The following ACACA variants were observed in gnomAD, a reference collection of about 807,000 sequenced individuals.
The protein encoded by ACACA is acetyl-CoA carboxylase 1.
In ACACA, 103 loss-of-function variants were observed where a neutral mutation model predicts 296.1. The ratio of observed to expected loss-of-function variants is 0.35; its 90% CI spans 0.30 to 0.41. The LOEUF is 0.41. Among genes scored for constraint, ACACA ranks in the 10% least tolerant of loss-of-function variants. The pLI is 1.00. For missense variants in ACACA, 1,554 were observed against 2,989.7 expected, an observed-to-expected ratio of 0.52 and a Z score of 11.20; for synonymous variants, 953 against 1,038.6, an observed-to-expected ratio of 0.92 and a Z score of 1.58.
At chr17:37,088,005 A>G (rs1218869975) in intron 55 of ACACA, among the ~76,000 whole-genome samples, 4 of 152,220 alleles carry the variant, frequency 2.6e-5, no homozygotes, top group Non-Finnish European at 5.9e-5. Flanking sequence ...ATTATACGGT[A>G]GAGAAATGGA....
intron 33 of ACACA, among the ~76,000 whole-genome samples, chr17:37,203,159 A>C (rs1050514844): frequency 3.3e-5 from 5 of 151,850 alleles, no homozygotes; most frequent in African/African-American, 1.2e-4. Context: ...ACGGGGTTTC[A>C]CCATATTGGC....
chr17:37,137,154 A>C (rs1446143323), intron 45 of ACACA, among the ~76,000 whole-genome samples: 1 of 152,102 alleles, frequency 6.6e-6, no homozygotes, highest in Non-Finnish European at 1.5e-5. Context: ...GAGTTTGAGA[A>C]TTCTTTTGGA....
Position 37,248,098 on chromosome 17 carries a change from A to G in ACACA, c.2222T>C (p.Val741Ala). ...ACCGTCACTCAGCCGATGTACATCT[A>G]CTTCTACACATGAGCCATTCATGAT... ...VVIMNGSCVEVDVHRLSDGGL... is the reference protein window; with the variant it reads ...VVIMNGSCVEADVHRLSDGGL... Residue 741 changes from valine (V) to alanine (A), a missense_variant, in exon 18 of 56, where the codon GTA becomes GCA. Around this residue, in one of 16 missense-constraint regions of ACACA, gnomAD observed 316 missense variants for 540.9 expected, o/e 0.58. Coordinates refer to ENST00000616317, the MANE Select transcript of ACACA (RefSeq NM_198834.3). 2 of 1,614,174 alleles carry G rather than the reference A, an allele frequency of 1.2e-6. No individual in the cohort carries two copies. Among genetic ancestry groups the G allele is most frequent in the Non-Finnish European group, 8.5e-7 (1 of 1,180,032 alleles).
At chr17:37,325,667 C>T (rs1272856323) in intron 3 of ACACA, among the ~76,000 whole-genome samples, 2 of 149,828 alleles carry the variant, frequency 1.3e-5, no homozygotes, top group Admixed American at 1.3e-4. Context: ...TCTGCACCCC[C>T]GGATTCAAGC....
chr17:37,246,525 T>C (rs1210557534), intron 19 of ACACA, among the ~76,000 whole-genome samples: 1 of 152,174 alleles, frequency 6.6e-6, no homozygotes, highest in Non-Finnish European at 1.5e-5. Flanking sequence ...CTTGAATTCC[T>C]GGGCTCAAGG....
intron 3 of ACACA, among the ~76,000 whole-genome samples, chr17:37,292,944 G>T (rs1421003429): frequency 6.6e-6 from 1 of 152,186 alleles, no homozygotes; most frequent in Non-Finnish European, 1.5e-5. Flanking sequence ...AGGAAACAAA[G>T]TGTGAAGCAA....
chr17:37,192,879 T>G (rs1567792626), intron 36 of ACACA, among the ~76,000 whole-genome samples: 1 of 152,246 alleles, frequency 6.6e-6, no homozygotes, highest in South Asian at 2.1e-4. Flanking sequence ...ATAACTTTAC[T>G]GTATTTACTG....
intron 2 of ACACA, among the ~76,000 whole-genome samples, chr17:37,335,462 C>A (rs892600004): frequency 1.3e-5 from 2 of 152,090 alleles, no homozygotes; most frequent in African/African-American, 4.8e-5. Context: ...GTCTGCCTAC[C>A]CTCAGGAATA....
At chr17:37,391,657 A>C in intron 1 of ACACA, 1 of 1,613,854 alleles carries the variant, frequency 6.2e-7, no homozygotes. Flanking sequence ...GTTGGACAAG[A>C]TGCTGCCAAT....
rs1567899219 is a variant in ACACA at position 37,260,279 on chromosome 17, TA to T, written c.1330-750del. The stretch of plus-strand genomic sequence containing the variant: ...ATATATATATATATATATATATATA[TA>T]TATATATATATATATATTTTTTTTT... On this transcript the variant is annotated intron_variant, in intron 11 of 55. Transcript: ENST00000616317. 1.5e-3 allele frequency among the ~76,000 whole-genome samples: 50 copies of T among 34,242 alleles called. 2 individuals are homozygous for T. The highest frequency in any genetic ancestry group is 5.5e-3 in the African/African-American group (31 of 5,686). The allele number at this position is 34,242 out of a possible 152,430, so 22.5% of individuals were successfully genotyped here. A position where few individuals can be genotyped will look rare whatever the true frequency, so the allele number is the denominator to read the frequency against.
rs376560606 is a variant in ACACA, at chr17:37,192,079, A to T, written c.4416+11T>A. 3 of 1,613,716 alleles carry T rather than the reference A, an allele frequency of 1.9e-6. No individual in the cohort carries two copies. Among genetic ancestry groups the T allele is most frequent in the East Asian group, 2.2e-5 (1 of 44,874 alleles). ...CTCAGGGATAACATCCCATTAAAGTACAGCACCCACCTTGGTGACCAGATC... is the reference window on the plus strand; with the variant it reads ...CTCAGGGATAACATCCCATTAAAGTTCAGCACCCACCTTGGTGACCAGATC... On this transcript the variant is annotated intron_variant, in intron 37 of 55. Coordinates refer to ENST00000616317, the MANE Select transcript of ACACA (RefSeq NM_198834.3).
intron 1 of ACACA, among the ~76,000 whole-genome samples, chr17:37,400,580 C>T (rs546514331): frequency 3.9e-5 from 6 of 152,268 alleles, no homozygotes; most frequent in African/African-American, 1.2e-4. Context: ...ACAAGCTTGA[C>T]TTTTTTAGAT....
chr17:37,176,548 T>C (rs1400176322), intron 41 of ACACA, among the ~76,000 whole-genome samples: 1 of 152,198 alleles, frequency 6.6e-6, no homozygotes, highest in Non-Finnish European at 1.5e-5. Flanking sequence ...TGGGGTAATA[T>C]GTAGAGTGCC....
intron 23 of ACACA, among the ~76,000 whole-genome samples, chr17:37,241,648 A>C (rs9889809): frequency 0.011 from 1,657 of 152,266 alleles, 30 homozygotes; most frequent in African/African-American, 0.038. Flanking sequence ...TTGAGGCTGC[A>C]ATGAGCCATG....
chr17:37,402,731 G>A (rs987979513), intron 1 of ACACA, among the ~76,000 whole-genome samples: 11 of 151,668 alleles, frequency 7.3e-5, no homozygotes, highest in East Asian at 1.9e-4. Context: ...GGAGTACAGC[G>A]GCACGATCTC....
intron 1 of ACACA, among the ~76,000 whole-genome samples, chr17:37,394,589 A>G (rs538912734): frequency 1.6e-3 from 242 of 150,424 alleles, no homozygotes; most frequent in African/African-American, 5.7e-3. Context: ...ATTAAAGTGC[A>G]TTCTCGGCCG....
rs974820637 is a variant in ACACA, at chr17:37,201,589, A to G, written c.4057-1106T>C. Among the ~76,000 whole-genome samples, 20 of 147,438 alleles carry G rather than the reference A, an allele frequency of 1.4e-4. 1 individual carries two copies. Among genetic ancestry groups the G allele is most frequent in the Non-Finnish European group, 4.5e-5 (3 of 66,882 alleles). On this transcript the variant is annotated intron_variant, in intron 33 of 55. Transcript: ENST00000616317. ...CAAATTAATGAATTAAGTAAAAGAC[A>G]TGTGTTTAGAGGTCCCCAACAAAGA...
In ACACA at chr17:37,199,409, C is replaced by A. The variant is rs149550802; in HGVS notation, c.4158+730G>T. Among the ~76,000 whole-genome samples the A allele has an allele frequency of 4.7e-4, 71 of 152,212 alleles. 1 individual carries two copies. In the East Asian group the frequency reaches 9.1e-3, roughly 19 times the overall value. On this transcript the variant is annotated intron_variant, in intron 35 of 55. Transcript: ENST00000616317. ...TTCTGGCCTTACTGTTGTCACTGTACTGGGTATGATCATACGGGTATACCA... is the reference window on the plus strand; with the variant it reads ...TTCTGGCCTTACTGTTGTCACTGTAATGGGTATGATCATACGGGTATACCA...
chr17:37,201,026 T>C (rs1243726141), intron 33 of ACACA, among the ~76,000 whole-genome samples: 1 of 152,222 alleles, frequency 6.6e-6, no homozygotes, highest in Non-Finnish European at 1.5e-5. Flanking sequence ...CCCCTTACCT[T>C]ACATGAAGGC....
Sources: allele counts gnomAD v4.1 joint callset (sites outside exome capture counted in the v4.1 genomes callset), GRCh38; gene constraint gnomAD v4.1.1; regional missense constraint gnomAD v4.1.1; transcripts MANE v1.5; gene names NCBI Gene and HGNC (gene_info 2026-07-23, HGNC 2026-07-21).